Variants in CD99L2 observed in about 807,000 individuals in gnomAD.
The protein encoded by CD99L2 is CD99 antigen-like protein 2.
Under a neutral mutation model 27.3 loss-of-function variants are expected in CD99L2, and 24 were observed. The observed-to-expected ratio is 0.88, with a 90% CI of 0.64 to 1.24. CD99L2 has a LOEUF of 1.24. CD99L2 is among the 50% of genes most tolerant of loss of function. The pLI is 0.00. For synonymous variants in CD99L2, 97 were observed against 87.9 expected (o/e 1.10, Z -0.58); for missense variants, 255 against 221.6 (o/e 1.15, Z -0.96).
chrX:150,795,297 G>T lies in CD99L2; in HGVS notation c.347-8C>A. The T allele has an allele frequency of 8.3e-7, 1 of 1,211,058 alleles. No individual in the cohort carries two copies. Among genetic ancestry groups the T allele is most frequent in the Non-Finnish European group, 1.1e-6 (1 of 894,944 alleles). ...CCAAGTCAAAATCATTTCCTTCATG[G>T]GGTCCCAAAATAAAAGAAATACTCA... On this transcript the variant is annotated splice_region_variant and splice_polypyrimidine_tract_variant and intron_variant, in intron 5 of 10. Coordinates refer to ENST00000370377, the MANE Select transcript of CD99L2 (RefSeq NM_031462.4).
At chrX:150,796,416 A>T (rs2124119034) in intron 4 of CD99L2, among the ~76,000 whole-genome samples, 1 of 112,794 alleles carries the variant, frequency 8.9e-6, no homozygotes, top group African/African-American at 3.2e-5. Context: ...GGGATATTAT[A>T]AAATGATAAA....
At chrX:150,792,379 G>T (rs1314595133) in intron 7 of CD99L2, among the ~76,000 whole-genome samples, 1 of 111,950 alleles carries the variant, frequency 8.9e-6, no homozygotes, top group East Asian at 2.8e-4. Flanking sequence ...TTATCACCCA[G>T]AAGTAATTGG....
chrX:150,776,744 A>G (rs1252321934), intron 8 of CD99L2, among the ~76,000 whole-genome samples: 1 of 112,104 alleles, frequency 8.9e-6, no homozygotes, highest in Non-Finnish European at 1.9e-5. Flanking sequence ...GCTGCTGTGA[A>G]ATATCTGAGA....
At chrX:150,789,418 G>C (rs1302487727) in intron 7 of CD99L2, among the ~76,000 whole-genome samples, 2 of 111,703 alleles carry the variant, frequency 1.8e-5, no homozygotes, top group Non-Finnish European at 3.8e-5. Flanking sequence ...CACCACGCCC[G>C]GCCTATGAAT....
intron 1 of CD99L2, among the ~76,000 whole-genome samples, chrX:150,853,699 C>T (rs375162901): frequency 4.5e-5 from 5 of 111,675 alleles, no homozygotes; most frequent in East Asian, 5.6e-4. Context: ...AAAAGCACAA[C>T]GAAACTCCCT....
rs782066225 is a variant in CD99L2, at chrX:150,898,571, C to G, written c.18G>C (p.Ser6=). 3.4e-4 allele frequency: 384 copies of G among 1,114,466 alleles called. 4 individuals carry two copies. The Middle Eastern group carries it at 0.015, about 44-fold the overall frequency. The allele number at this position is 1,114,466 out of a possible 1,213,427, so 91.8% of individuals were successfully genotyped here. ...AGAAAGCGAGGCAGACAAGGAACGC[C>G]GAGCGCCAGGCCACCATGGCTGGGA... is the stretch of plus-strand genomic sequence containing the variant. MVAWR[S]AFLVCLAFSL... is the part of the protein sequence containing the mutation. Residue 6 remains serine (S), a synonymous_variant, in exon 1 of 11, where the codon TCG becomes TCC. Transcript: ENST00000370377.
At chrX:150,802,706 T>C (rs1451867548) in intron 4 of CD99L2, among the ~76,000 whole-genome samples, 7 of 99,807 alleles carry the variant, frequency 7.0e-5, no homozygotes, top group Admixed American at 4.3e-4. Context: ...CTCAGCCTCC[T>C]GAGTCGCTGG....
chrX:150,772,880 A>T (rs1296775033), intron 9 of CD99L2, among the ~76,000 whole-genome samples: 10 of 111,153 alleles, frequency 9.0e-5, no homozygotes, highest in Non-Finnish European at 1.7e-4. Context: ...CCATGGGAGA[A>T]GGAAGGTTGG....
At chrX:150,876,010 T>A (rs1325424555) in intron 1 of CD99L2, among the ~76,000 whole-genome samples, 2 of 112,538 alleles carry the variant, frequency 1.8e-5, no homozygotes, top group African/African-American at 6.5e-5. Context: ...TTTGTTCATG[T>A]CGCATGATGC....
At chrX:150,819,479 G>A (rs1287392784) in intron 2 of CD99L2, among the ~76,000 whole-genome samples, 2 of 111,165 alleles carry the variant, frequency 1.8e-5, no homozygotes, top group East Asian at 2.8e-4. Context: ...AAAAAGAAGA[G>A]CAAACTAAAC....
intron 1 of CD99L2, among the ~76,000 whole-genome samples, chrX:150,864,426 T>C (rs1053552041): frequency 1.8e-5 from 2 of 112,305 alleles, no homozygotes; most frequent in East Asian, 5.6e-4. Flanking sequence ...GATGAATGGA[T>C]TTGGGAAGGA....
chrX:150,870,365 C>A (rs1224941216), intron 1 of CD99L2, among the ~76,000 whole-genome samples: 2 of 111,841 alleles, frequency 1.8e-5, no homozygotes, highest in Non-Finnish European at 3.8e-5. Context: ...TTAAGCCATA[C>A]TTCCAGAGGC....
In CD99L2 at chrX:150,778,705, T is replaced by G. The variant is rs868958286; in HGVS notation, c.497-1223A>C. 3.3e-4 allele frequency among the ~76,000 whole-genome samples: 22 copies of G among 66,962 alleles called. No homozygotes were observed. The South Asian group carries it at 0.016, about 48-fold the overall frequency. The allele number at this position is 66,962 out of a possible 115,157, so 58.1% of individuals were successfully genotyped here. A position where few individuals can be genotyped will look rare whatever the true frequency, so the allele number is the denominator to read the frequency against. ...AAAAAAATATATATATATATATATA[T>G]ATATAAATAAAAGATTCCTGGGGAA... On this transcript the variant is annotated intron_variant, in intron 7 of 10. Transcript: ENST00000370377.
chrX:150,793,384 C>T (rs961663916), intron 7 of CD99L2, among the ~76,000 whole-genome samples: 1 of 112,638 alleles, frequency 8.9e-6, no homozygotes, highest in Non-Finnish European at 1.9e-5. Flanking sequence ...CTTTCAGAGT[C>T]CACTGGCCCC....
intron 6 of CD99L2, among the ~76,000 whole-genome samples, 161 bp downstream of exon 6, chrX:150,795,045 C>T (rs1223301436): frequency 8.9e-6 from 1 of 112,102 alleles, no homozygotes; most frequent in Non-Finnish European, 1.9e-5. Context: ...CTCTTGAGAT[C>T]TCAATGATTT....
intron 9 of CD99L2, among the ~76,000 whole-genome samples, chrX:150,775,148 G>C (rs966253149): frequency 1.8e-5 from 2 of 112,535 alleles, no homozygotes; most frequent in Non-Finnish European, 3.8e-5. Context: ...ACCCAGGTTA[G>C]TTTTCTGGGA....
intron 1 of CD99L2, among the ~76,000 whole-genome samples, chrX:150,881,966 C>T (rs782569187): frequency 4.6e-5 from 5 of 109,662 alleles, no homozygotes; most frequent in Non-Finnish European, 9.5e-5. Context: ...TACAGGCGCC[C>T]GCCAACACGC....
intron 2 of CD99L2, among the ~76,000 whole-genome samples, chrX:150,824,341 A>AAGG (rs1569566003): frequency 2.7e-4 from 25 of 92,788 alleles, no homozygotes; most frequent in African/African-American, 9.5e-4. Flanking sequence ...GAAGAAGAAG[A>AAGG]AAGAAGGAAG....
At chrX:150,848,338 T>C (rs1374943235) in intron 1 of CD99L2, among the ~76,000 whole-genome samples, 1 of 110,199 alleles carries the variant, frequency 9.1e-6, no homozygotes, top group Non-Finnish European at 1.9e-5. Flanking sequence ...GTCCCTAGAG[T>C]AGTCAAATTC....
Sources: gnomAD v4.1 joint callset for allele counts (sites outside exome capture counted in the v4.1 genomes callset) on GRCh38, gnomAD v4.1.1 for gene constraint, MANE v1.5 for transcripts, NCBI Gene and HGNC (gene_info 2026-07-23, HGNC 2026-07-21) for gene names.